MAP4: variants seen among roughly 807,000 people sequenced by gnomAD.
The protein encoded by MAP4 is microtubule-associated protein 4.
Under a neutral mutation model 170.2 loss-of-function variants are expected in MAP4, and 76 were observed. That is an observed-to-expected ratio of 0.45 (90% CI 0.37 to 0.54). The LOEUF (loss-of-function observed/expected upper bound fraction) is 0.54. Among genes scored for constraint, MAP4 ranks in the 20% least tolerant of loss-of-function variants. The pLI, the probability that MAP4 is intolerant of heterozygous loss-of-function variation, is 0.00. For missense variants in MAP4, 2,506 were observed against 2,748.0 expected (o/e 0.91, Z 1.97); for synonymous variants, 909 against 994.5 (o/e 0.91, Z 1.62).
chr3:47,911,724 A>G lies in MAP4; in HGVS notation c.2697T>C (p.His899=). 6.5e-7 allele frequency: 1 copy of G among 1,536,080 alleles called. No homozygotes were observed. The highest frequency in any genetic ancestry group is 8.7e-7 in the Non-Finnish European group (1 of 1,146,892). Residue 899 remains histidine (H), a synonymous_variant, in exon 9 of 21, where the codon CAT becomes CAC. Transcript: ENST00000683076. This position sits in a 1 kb window ranked among gnomAD's most constrained non-coding sequence, Gnocchi z 4.0. ...QNQDKKLLKQ[H]EYKPQPAPHL... is the part of the protein sequence containing the mutation. ...GGGGTGCAGGCTGTGGTTTGTATTC[A>G]TGTTGCTTCAGCAATTTCTTGTCTT...
chr3:48,025,298 T>G (rs532949343), intron 1 of MAP4, among the ~76,000 whole-genome samples: 2 of 151,598 alleles, frequency 1.3e-5, no homozygotes, highest in East Asian at 3.9e-4. Context: ...CACACTTTTT[T>G]TTTTTTTTTT....
At chr3:48,041,683 T>C (rs1041755445) in intron 1 of MAP4, among the ~76,000 whole-genome samples, 15 of 152,106 alleles carry the variant, frequency 9.9e-5, no homozygotes, top group African/African-American at 3.1e-4. Flanking sequence ...CATCTCAGTC[T>C]GGGTGATGCG....
intron 1 of MAP4, among the ~76,000 whole-genome samples, chr3:48,056,213 G>T (rs2100131380): frequency 7.7e-6 from 1 of 129,168 alleles, no homozygotes; most frequent in Non-Finnish European, 1.8e-5. Flanking sequence ...GGAGGGAGGT[G>T]GGGGGGTCAG....
In MAP4 at chr3:47,911,713, G is replaced by A. The variant is rs1377118763; in HGVS notation, c.2708C>T (p.Pro903Leu). 7 of 1,535,950 alleles carry A rather than the reference G, an allele frequency of 4.6e-6. No individual in the cohort carries two copies. Among genetic ancestry groups the A allele is most frequent in the Admixed American group, 2.0e-5 (1 of 50,974 alleles). Residue 903 changes from proline to leucine, a missense_variant, in exon 9 of 21, where the codon CCA (proline) becomes CTA (leucine). By Grantham distance (98) the Pro-to-Leu change is moderately conservative (BLOSUM62 -3). Transcript: ENST00000683076. The surrounding 1 kb of genome is among the most constrained non-coding windows in gnomAD (Gnocchi z 4.0). ...KKLLKQHEYK[P>L]QPAPHLKTPV... ...AGTCTTCAGGTGGGGTGCAGGCTGT[G>A]GTTTGTATTCATGTTGCTTCAGCAA...
intron 3 of MAP4, among the ~76,000 whole-genome samples, chr3:47,969,418 G>A (rs2100077173): frequency 9.7e-5 from 2 of 20,520 alleles, no homozygotes; most frequent in African/African-American, 3.8e-4. Flanking sequence ...CGGGGCGCGG[G>A]GAGAGAAAAA....
At chr3:47,914,549 CA>C (rs748273674) in intron 8 of MAP4, among the ~76,000 whole-genome samples, 71 of 60,034 alleles carry the variant, frequency 1.2e-3, no homozygotes, top group Middle Eastern at 0.025. Flanking sequence ...GACTCTGTCT[CA>C]AAAAAAAAAA....
chr3:48,034,944 T>C (rs1212936776), intron 1 of MAP4, among the ~76,000 whole-genome samples: 1 of 151,922 alleles, frequency 6.6e-6, no homozygotes, highest in East Asian at 1.9e-4. Context: ...GACCAGGAGG[T>C]TGAGTCTACA....
At chr3:48,087,043 A>G (rs2154576012) in intron 1 of MAP4, among the ~76,000 whole-genome samples, 1 of 152,330 alleles carries the variant, frequency 6.6e-6, no homozygotes, top group East Asian at 1.9e-4. Flanking sequence ...CTGTTAACAA[A>G]CATAGCTAGT....
intron 1 of MAP4, among the ~76,000 whole-genome samples, chr3:48,062,959 C>A (rs4858880): frequency 0.63 from 94,423 of 150,650 alleles, 30,309 homozygotes; most frequent in East Asian, 0.71. Flanking sequence ...TGAACAACCC[C>A]ATTTTAAAAA....
chr3:47,974,351 G>T, intron 3 of MAP4: 1 of 519,894 alleles, frequency 1.9e-6, no homozygotes, highest in Non-Finnish European at 2.5e-6. Flanking sequence ...CTTGAACCTG[G>T]GAGGCAGAGG....
intron 1 of MAP4, among the ~76,000 whole-genome samples, chr3:48,079,604 G>A (rs568944422): frequency 2.7e-5 from 4 of 149,316 alleles, no homozygotes; most frequent in African/African-American, 4.9e-5. Context: ...GCAGTGAGCC[G>A]AGATCACACC....
chr3:48,047,080 T>C (rs1053201351), intron 1 of MAP4, among the ~76,000 whole-genome samples: 1 of 147,060 alleles, frequency 6.8e-6, no homozygotes, highest in African/African-American at 2.5e-5. Context: ...GGCAACAGAG[T>C]GAGACTCCGT....
intron 1 of MAP4, among the ~76,000 whole-genome samples, chr3:48,060,735 G>A (rs979823286): frequency 4.0e-5 from 6 of 148,526 alleles, no homozygotes; most frequent in Middle Eastern, 6.8e-3. Context: ...GCAACGTGTC[G>A]AAACCCTGTC....
intron 1 of MAP4, among the ~76,000 whole-genome samples, chr3:48,008,731 A>T (rs781096408): frequency 1.8e-4 from 28 of 152,112 alleles, no homozygotes; most frequent in Non-Finnish European, 3.7e-4. Flanking sequence ...TGTGGACACC[A>T]CTCAGCCTCT....
Position 47,923,389 on chromosome 3 carries a change from G to A in MAP4, c.416-1511C>T, listed in dbSNP as rs1487443853. Among the ~76,000 whole-genome samples the A allele has an allele frequency of 6.0e-5, 9 of 151,036 alleles. No homozygotes were observed. The Admixed American group carries it at 6.0e-4, about 10-fold the overall frequency. On this transcript the variant is annotated intron_variant, in intron 4 of 20. Coordinates refer to ENST00000683076, the MANE Select transcript of MAP4 (RefSeq NM_001385682.1). ...ATCGGGAAGTGTGAACAAGCAGAAG[G>A]CAATATTGGGAAACTTGTTGAGGCT...
intron 3 of MAP4, among the ~76,000 whole-genome samples, chr3:47,937,589 G>A (rs550170829): frequency 6.6e-5 from 10 of 151,610 alleles, no homozygotes; most frequent in South Asian, 2.1e-4. Flanking sequence ...ATGTTCTCAG[G>A]TTGAAGGTAG....
intron 1 of MAP4, among the ~76,000 whole-genome samples, chr3:48,049,782 C>T (rs566031389): frequency 9.3e-4 from 139 of 149,876 alleles, no homozygotes; most frequent in African/African-American, 3.3e-3. Flanking sequence ...AACACACACA[C>T]AAAAAAATAG....
intron 3 of MAP4, among the ~76,000 whole-genome samples, chr3:47,976,191 G>T (rs1307388613): frequency 6.6e-6 from 1 of 152,288 alleles, no homozygotes; most frequent in Non-Finnish European, 1.5e-5. Flanking sequence ...AGAACAGAAC[G>T]ACCTACTCTC....
intron 1 of MAP4, 41 bp from the exon 2 acceptor site, chr3:47,998,920 CA>C (rs771039583): frequency 3.0e-5 from 33 of 1,110,798 alleles, no homozygotes; most frequent in Non-Finnish European, 1.8e-5. Flanking sequence ...ACGAGCACTG[CA>C]AAAGGAAAAA....
Sources: gnomAD v4.1 joint callset for allele counts (sites outside exome capture counted in the v4.1 genomes callset) on GRCh38, gnomAD v4.1.1 for gene constraint, Gnocchi (gnomAD v3.1) non-coding constraint, MANE v1.5 for transcripts, NCBI Gene and HGNC (gene_info 2026-07-23, HGNC 2026-07-21) for gene names.